Variants in KCNH7 observed in about 807,000 individuals in gnomAD.
KCNH7 encodes the protein voltage-gated inwardly rectifying potassium channel KCNH7.
KCNH7 carries 49 observed loss-of-function variants against 120.8 expected under a neutral mutation model. That is an observed-to-expected ratio of 0.41 (90% CI 0.32 to 0.51). KCNH7 has a LOEUF of 0.51. KCNH7 is among the 20% of genes least tolerant of loss of function. KCNH7 has a pLI of 0.38. For synonymous variants in KCNH7, 547 were observed against 516.1 expected (o/e 1.06, Z -0.81); for missense variants, 1,097 against 1,446.6 (o/e 0.76, Z 3.92).
chr2:162,389,587 G>A (rs1330111638), intron 12 of KCNH7, among the ~76,000 whole-genome samples: 1 of 152,004 alleles, frequency 6.6e-6, no homozygotes, highest in East Asian at 1.9e-4. Context: ...TGTTTTGGGA[G>A]AGGTGACCTC....
chr2:162,634,530 T>C (rs1368391218), intron 2 of KCNH7, among the ~76,000 whole-genome samples: 1 of 152,120 alleles, frequency 6.6e-6, no homozygotes, highest in Non-Finnish European at 1.5e-5. Flanking sequence ...TATGTGTAAG[T>C]GTTGCAGCAG....
chr2:162,514,762 C>T (rs779339307), intron 4 of KCNH7, among the ~76,000 whole-genome samples: 1 of 151,864 alleles, frequency 6.6e-6, no homozygotes, highest in Middle Eastern at 3.4e-3. Context: ...TCTGGTTCTT[C>T]ATCAAAGATG....
At chr2:162,406,867 G>T (rs1687242453) in intron 9 of KCNH7, among the ~76,000 whole-genome samples, 1 of 151,924 alleles carries the variant, frequency 6.6e-6, no homozygotes, top group African/African-American at 2.4e-5. Context: ...TTTTATTCCT[G>T]TGGGTTAGCC....
At chr2:162,611,055 A>T (rs1682946460) in intron 2 of KCNH7, among the ~76,000 whole-genome samples, 1 of 152,188 alleles carries the variant, frequency 6.6e-6, no homozygotes, top group Non-Finnish European at 1.5e-5. Context: ...ATTTATAGGC[A>T]CAGAAAACTT....
intron 9 of KCNH7, among the ~76,000 whole-genome samples, chr2:162,405,364 CAAAT>C (rs1196066105): frequency 6.6e-6 from 1 of 151,854 alleles, no homozygotes; most frequent in Admixed American, 6.6e-5. Context: ...CATTCAAACA[CAAAT>C]AACCCAACAA....
chr2:162,456,003 TC>T (rs1688948588), intron 6 of KCNH7, among the ~76,000 whole-genome samples: 1 of 152,150 alleles, frequency 6.6e-6, no homozygotes, highest in Non-Finnish European at 1.5e-5. Context: ...TGCTCTTGCT[TC>T]TCTAGTTCTT....
At chr2:162,462,548 A>G (rs1573987703) in intron 6 of KCNH7, among the ~76,000 whole-genome samples, 2 of 152,102 alleles carry the variant, frequency 1.3e-5, no homozygotes, top group South Asian at 4.2e-4. Context: ...AGAGAGAGAG[A>G]GAGAGAGAGA....
At position 162,517,941 on chromosome 2, in the gene KCNH7, G is replaced by A; in HGVS notation, c.681C>T (p.Pro227=). 1 of 1,612,352 alleles carries A rather than the reference G, an allele frequency of 6.2e-7. No homozygotes were observed. The highest frequency in any genetic ancestry group is 8.5e-7 in the Non-Finnish European group (1 of 1,178,848). The change falls in exon 4 of 16, where the codon CCC becomes CCT. Residue 227 remains proline, a synonymous_variant. Transcript: ENST00000332142. Reference sequence around the variant, plus strand: ...CAAGAGGTCCGGATATATTCACCAAGGGAGAACATTTGCTGGGCTGTATCA... The same window carrying A: ...CAAGAGGTCCGGATATATTCACCAAAGGAGAACATTTGCTGGGCTGTATCA... ...KALIQPSKCS[P]LVNISGPLDH...
intron 6 of KCNH7, among the ~76,000 whole-genome samples, chr2:162,468,754 T>C (rs1012127470): frequency 6.6e-6 from 1 of 151,958 alleles, no homozygotes; most frequent in Non-Finnish European, 1.5e-5. Context: ...TCTCCTGACC[T>C]CCCAGGATGG....
At chr2:162,424,416 T>C (rs1687795799) in intron 8 of KCNH7, among the ~76,000 whole-genome samples, 1 of 152,194 alleles carries the variant, frequency 6.6e-6, no homozygotes, top group Non-Finnish European at 1.5e-5. Context: ...ATAAATGCTA[T>C]TCTCTGTACA....
At chr2:162,547,655 A>G (rs1692525229) in intron 2 of KCNH7, among the ~76,000 whole-genome samples, 1 of 152,166 alleles carries the variant, frequency 6.6e-6, no homozygotes, top group African/African-American at 2.4e-5. Context: ...CCCAAGTCAC[A>G]TGGCTAGTCT....
intron 2 of KCNH7, among the ~76,000 whole-genome samples, chr2:162,745,382 C>CT (rs551448695): frequency 1.7e-4 from 25 of 150,744 alleles, no homozygotes; most frequent in East Asian, 5.8e-4. Context: ...TACCTGAAGG[C>CT]TTTTTTTTTA....
At chr2:162,673,062 T>C (rs572766762) in intron 2 of KCNH7, among the ~76,000 whole-genome samples, 1 of 152,126 alleles carries the variant, frequency 6.6e-6, no homozygotes, top group African/African-American at 2.4e-5. Context: ...TTTATAATAG[T>C]TCCACATGCA....
chr2:162,730,690 T>C (rs1687693031), intron 2 of KCNH7, among the ~76,000 whole-genome samples: 1 of 151,982 alleles, frequency 6.6e-6, no homozygotes, highest in Admixed American at 6.6e-5. Flanking sequence ...TAGCAGACAC[T>C]AGAAATCAAG....
At chr2:162,377,097 G>A (rs1483300038) in intron 14 of KCNH7, among the ~76,000 whole-genome samples, 13 of 152,118 alleles carry the variant, frequency 8.5e-5, no homozygotes, top group African/African-American at 2.9e-4. Context: ...CTCCACTATA[G>A]AACGTGTCCT....
intron 2 of KCNH7, among the ~76,000 whole-genome samples, chr2:162,747,396 G>A (rs578128146): frequency 2.7e-4 from 41 of 152,020 alleles, no homozygotes; most frequent in Non-Finnish European, 5.2e-4. Flanking sequence ...TCATTTCTTG[G>A]GAATTATTTC....
At chr2:162,643,198 C>A (rs972177668) in intron 2 of KCNH7, among the ~76,000 whole-genome samples, 1 of 151,660 alleles carries the variant, frequency 6.6e-6, no homozygotes, top group African/African-American at 2.4e-5. Context: ...ACCTTCCAAA[C>A]TTTTTGTATC....
intron 2 of KCNH7, among the ~76,000 whole-genome samples, chr2:162,626,558 T>G (rs1384555009): frequency 1.3e-5 from 2 of 152,158 alleles, no homozygotes; most frequent in Non-Finnish European, 2.9e-5. Context: ...TATATGGTAA[T>G]TTTTAAAAAG....
rs140345751 is a variant in KCNH7, at chr2:162,730,047, A to T, written c.307+106490T>A. ...GGTTGATCTTAAAAAATATGTAAAT[A>T]CAACGTGTGAAAATTATATTACAGT... is the stretch of plus-strand genomic sequence containing the variant. On this transcript the variant is annotated intron_variant, in intron 2 of 15. Transcript: ENST00000332142. Among the ~76,000 whole-genome samples the T allele has an allele frequency of 5.8e-4, 88 of 152,112 alleles. 1 individual carries two copies. The highest frequency in any genetic ancestry group is 2.1e-3 in the African/African-American group (87 of 41,544).
Sources: gnomAD v4.1 joint callset for allele counts (sites outside exome capture counted in the v4.1 genomes callset) on GRCh38, gnomAD v4.1.1 for gene constraint, MANE v1.5 for transcripts, NCBI Gene and HGNC (gene_info 2026-07-23, HGNC 2026-07-21) for gene names.